Variants in DGKB observed in about 807,000 individuals in gnomAD.
The protein encoded by DGKB is 90 kDa diacylglycerol kinase.
In DGKB, 67 loss-of-function variants were observed where a neutral mutation model predicts 114.3. The observed-to-expected ratio is 0.59, with a 90% CI of 0.48 to 0.72. The LOEUF is 0.72. DGKB is among the 30% of genes least tolerant of loss of function. DGKB has a pLI of 0.00. For missense variants in DGKB, 907 were observed against 975.2 expected, an observed-to-expected ratio of 0.93 and a Z score of 0.93; for synonymous variants, 398 against 323.1, an observed-to-expected ratio of 1.23 and a Z score of -2.49.
At chr7:14,167,994 A>G (rs1169995834) in intron 25 of DGKB, among the ~76,000 whole-genome samples, 3 of 152,260 alleles carry the variant, frequency 2.0e-5, no homozygotes, top group African/African-American at 7.2e-5. Flanking sequence ...AAACCCTGAG[A>G]TGATACAATT....
intron 2 of DGKB, among the ~76,000 whole-genome samples, chr7:14,767,450 G>C (rs1373476859): frequency 6.6e-6 from 1 of 151,834 alleles, no homozygotes; most frequent in Non-Finnish European, 1.5e-5. Flanking sequence ...TTAGTAGCTG[G>C]TGCATAGTAT....
At chr7:14,183,670 T>A (rs186201910) in intron 23 of DGKB, among the ~76,000 whole-genome samples, 1 of 152,228 alleles carries the variant, frequency 6.6e-6, no homozygotes, top group African/African-American at 2.4e-5. Context: ...ATGTCACTTG[T>A]TCAAGTCTTT....
intron 23 of DGKB, among the ~76,000 whole-genome samples, chr7:14,320,065 C>T (rs1349169441): frequency 6.6e-6 from 1 of 152,170 alleles, no homozygotes; most frequent in Non-Finnish European, 1.5e-5. Flanking sequence ...TAGAAGCACA[C>T]TAACAAAGCA....
chr7:14,714,992 T>C (rs1827961236), intron 6 of DGKB, among the ~76,000 whole-genome samples: 1 of 152,142 alleles, frequency 6.6e-6, no homozygotes, highest in Non-Finnish European at 1.5e-5. Flanking sequence ...TGTGAACAAA[T>C]ACTAGTTTAA....
intron 23 of DGKB, among the ~76,000 whole-genome samples, chr7:14,238,528 T>A (rs78815104): frequency 1.3e-5 from 2 of 152,076 alleles, no homozygotes; most frequent in African/African-American, 2.4e-5. Context: ...ATTTCCAGGC[T>A]ACATTTTGGG....
intron 17 of DGKB, among the ~76,000 whole-genome samples, chr7:14,600,447 G>C (rs1175586237): frequency 6.6e-6 from 1 of 152,076 alleles, no homozygotes; most frequent in Non-Finnish European, 1.5e-5. Context: ...AGCCCCAAAA[G>C]TTTTAACAAT....
chr7:14,536,370 T>C (rs553204331), intron 20 of DGKB, among the ~76,000 whole-genome samples: 1 of 152,280 alleles, frequency 6.6e-6, no homozygotes, highest in African/African-American at 2.4e-5. Context: ...CTGATGAACA[T>C]GAATGCAATA....
chr7:14,740,459 C>T lies in DGKB; in HGVS notation c.169-4265G>A, dbSNP rs75974594. On this transcript the variant is annotated intron_variant, in intron 4 of 25. Coordinates refer to ENST00000402815, the MANE Select transcript of DGKB (RefSeq NM_001350709.2). ...AATTCACAGGACACCCTTTTCTCTCCCTTGTTTGAGAGGACCCAATTTTAG... is the reference window on the plus strand; with the variant it reads ...AATTCACAGGACACCCTTTTCTCTCTCTTGTTTGAGAGGACCCAATTTTAG... 8.5e-3 allele frequency among the ~76,000 whole-genome samples: 1,298 copies of T among 152,184 alleles called. 17 individuals carry two copies. Among genetic ancestry groups the T allele is most frequent in the African/African-American group, 0.029 (1,215 of 41,526 alleles).
chr7:14,566,343 G>A (rs1286924950), intron 20 of DGKB, among the ~76,000 whole-genome samples: 2 of 152,134 alleles, frequency 1.3e-5, no homozygotes, highest in African/African-American at 2.4e-5. Context: ...ATTATGGACT[G>A]TGGTTTACAC....
intron 23 of DGKB, among the ~76,000 whole-genome samples, chr7:14,200,290 G>T (rs989545117): frequency 6.6e-6 from 1 of 151,950 alleles, no homozygotes; most frequent in Non-Finnish European, 1.5e-5. Context: ...AAATTACATG[G>T]TGTGGCCCCC....
At chr7:14,406,262 A>T (rs1031014898) in intron 21 of DGKB, among the ~76,000 whole-genome samples, 4 of 152,040 alleles carry the variant, frequency 2.6e-5, no homozygotes, top group African/African-American at 9.7e-5. Flanking sequence ...CAACACACCC[A>T]GTAGAAAGAG....
chr7:14,859,032 T>C (rs905810218), intron 1 of DGKB, among the ~76,000 whole-genome samples: 1 of 151,772 alleles, frequency 6.6e-6, no homozygotes, highest in African/African-American at 2.4e-5. Flanking sequence ...CTAACTGGAG[T>C]CAGTAGAGAA....
intron 23 of DGKB, among the ~76,000 whole-genome samples, chr7:14,194,936 CTG>C (rs1486763629): frequency 6.6e-6 from 1 of 151,812 alleles, no homozygotes; most frequent in African/African-American, 2.4e-5. Context: ...CTGCAAGTCA[CTG>C]TGTTATAGTG....
chr7:14,667,348 C>T (rs985294857), intron 13 of DGKB, among the ~76,000 whole-genome samples: 6 of 152,042 alleles, frequency 3.9e-5, no homozygotes, highest in South Asian at 2.1e-4. Flanking sequence ...TAAGGATCCA[C>T]GCTGTATTTA....
At chr7:14,686,500 G>T (rs1178384827) in intron 9 of DGKB, among the ~76,000 whole-genome samples, 1 of 151,980 alleles carries the variant, frequency 6.6e-6, no homozygotes, top group Non-Finnish European at 1.5e-5. Flanking sequence ...ATATTTCTTG[G>T]AACACATTCA....
At chr7:14,333,003 A>G (rs559133311) in intron 23 of DGKB, among the ~76,000 whole-genome samples, 1 of 152,340 alleles carries the variant, frequency 6.6e-6, no homozygotes, top group African/African-American at 2.4e-5. Flanking sequence ...TAATTTGAAT[A>G]TAATTACTTT....
chr7:14,382,805 C>A (rs1819698017), intron 21 of DGKB, among the ~76,000 whole-genome samples: 1 of 152,160 alleles, frequency 6.6e-6, no homozygotes, highest in Non-Finnish European at 1.5e-5. Context: ...GACAATATCT[C>A]TGAATCTCTG....
chr7:14,874,495 C>T (rs1009349541), intron 1 of DGKB, among the ~76,000 whole-genome samples: 11 of 151,794 alleles, frequency 7.2e-5, no homozygotes, highest in East Asian at 3.9e-4. Context: ...CAAAATCTTA[C>T]GAGATTATAG....
At chr7:14,961,416 T>C (rs372473073) in intron 1 of DGKB, among the ~76,000 whole-genome samples, 1 of 152,102 alleles carries the variant, frequency 6.6e-6, no homozygotes, top group Non-Finnish European at 1.5e-5. Context: ...TCTGTCTCAA[T>C]GAATTGTGTT....
Sources: gnomAD v4.1 joint callset for allele counts (sites outside exome capture counted in the v4.1 genomes callset) on GRCh38, gnomAD v4.1.1 for gene constraint, MANE v1.5 for transcripts, NCBI Gene and HGNC (gene_info 2026-07-23, HGNC 2026-07-21) for gene names.